The following SLC1A3 variants were observed in gnomAD, a reference collection of about 807,000 sequenced individuals.
SLC1A3 encodes the protein solute carrier family 1 member 3.
Under a neutral mutation model 48.1 loss-of-function variants are expected in SLC1A3, and 21 were observed. The observed-to-expected ratio is 0.44, with a 90% confidence interval of 0.31 to 0.63. The LOEUF is 0.63. SLC1A3 is among the 20% of genes least tolerant of loss of function. The probability of loss-of-function intolerance (pLI) is 0.08; values close to 1 mark genes in which losing one functional copy is unlikely to be tolerated. For missense variants in SLC1A3, 546 were observed against 689.0 expected, an observed-to-expected ratio of 0.79 and a Z score of 2.32; for synonymous variants, 239 against 251.4, an observed-to-expected ratio of 0.95 and a Z score of 0.47.
At chr5:36,608,628 A>AG (rs774280291) in intron 2 of SLC1A3, 24 bp downstream of exon 2, 1 of 1,611,968 alleles carries the variant, frequency 6.2e-7, no homozygotes, top group South Asian at 1.1e-5. Context: ...TTAAAAACAA[A>AG]AAAACCTGTA....
chr5:36,648,972 C>T (rs1158489860), intron 3 of SLC1A3, among the ~76,000 whole-genome samples: 1 of 152,098 alleles, frequency 6.6e-6, no homozygotes, highest in Non-Finnish European at 1.5e-5. Flanking sequence ...TAATTATAGT[C>T]CTTATGTATG....
intron 8 of SLC1A3, 57 bp downstream of exon 8, chr5:36,680,646 G>GAGCCACCACGCCCA: frequency 1.4e-6 from 2 of 1,453,270 alleles, no homozygotes; most frequent in Non-Finnish European, 1.9e-6. Context: ...GGCTGGGCGT[G>GAGCCACCACGCCCA]GTGGCTCACG....
At chr5:36,655,600 C>T (rs1015259648) in intron 3 of SLC1A3, among the ~76,000 whole-genome samples, 1 of 152,178 alleles carries the variant, frequency 6.6e-6, no homozygotes, top group Admixed American at 6.5e-5. Context: ...GGGAAAACTC[C>T]ACTTGTCATA....
chr5:36,671,752 G>A (rs1213531965), intron 4 of SLC1A3, among the ~76,000 whole-genome samples: 1 of 152,138 alleles, frequency 6.6e-6, no homozygotes, highest in African/African-American at 2.4e-5. Context: ...GAAAGAATTT[G>A]GCAGGTCTGT....
chr5:36,632,560 G>GCTACTGGAGT (rs1451423671), intron 3 of SLC1A3, among the ~76,000 whole-genome samples: 1 of 152,180 alleles, frequency 6.6e-6, no homozygotes, highest in Non-Finnish European at 1.5e-5. Context: ...GCACCAGAAG[G>GCTACTGGAGT]AACACTGGAG....
chr5:36,673,912 A>G (rs559313950), intron 4 of SLC1A3, 137 bp from the exon 5 acceptor site: 2 of 744,046 alleles, frequency 2.7e-6, no homozygotes, highest in South Asian at 1.5e-5. Context: ...TTCAAGCTGT[A>G]AAATCCACTA....
rs68027582 is a variant in SLC1A3 at position 36,645,319 on chromosome 5, CTTTTTTT to C, written c.319+15755_319+15761del. On this transcript the variant is annotated intron_variant, in intron 3 of 9. Coordinates refer to ENST00000265113, the MANE Select transcript of SLC1A3 (RefSeq NM_004172.5). The stretch of plus-strand genomic sequence containing the variant: ...ATCTTTGAGGACTGACTTCCGCTGC[CTTTTTTT>C]TTTTTTTTTTTTTTTTTTTTTTGAT... 8.3e-5 allele frequency among the ~76,000 whole-genome samples: 7 copies of C among 84,272 alleles called. 1 individual carries two copies. Among genetic ancestry groups the C allele is most frequent in the African/African-American group, 1.3e-4 (3 of 23,446 alleles). The allele number at this position is 84,272 out of a possible 152,430, so 55.3% of individuals were successfully genotyped here.
chr5:36,636,803 GC>G (rs1482830713), intron 3 of SLC1A3, among the ~76,000 whole-genome samples: 2 of 152,024 alleles, frequency 1.3e-5, no homozygotes, highest in Non-Finnish European at 2.9e-5. Context: ...AAGGGAGCTT[GC>G]AGGAAGGGAG....
chr5:36,664,942 A>C (rs898952925), intron 3 of SLC1A3, among the ~76,000 whole-genome samples: 1 of 152,130 alleles, frequency 6.6e-6, no homozygotes, highest in Non-Finnish European at 1.5e-5. Context: ...TAATAAGTGG[A>C]AGTTTTCCAG....
intron 3 of SLC1A3, among the ~76,000 whole-genome samples, chr5:36,666,976 T>C (rs1267959873): frequency 2.6e-5 from 4 of 152,226 alleles, no homozygotes; most frequent in African/African-American, 9.6e-5. Context: ...TACTCAGGTG[T>C]TTGAAGCAAA....
At chr5:36,648,125 C>T (rs568044728) in intron 3 of SLC1A3, among the ~76,000 whole-genome samples, 8 of 152,056 alleles carry the variant, frequency 5.3e-5, no homozygotes, top group African/African-American at 1.2e-4. Flanking sequence ...TATAAATATG[C>T]GAGGAATAGT....
At chr5:36,648,657 T>C (rs952487467) in intron 3 of SLC1A3, among the ~76,000 whole-genome samples, 6 of 152,274 alleles carry the variant, frequency 3.9e-5, no homozygotes, top group African/African-American at 1.4e-4. Flanking sequence ...ATAATCCAAA[T>C]CCACATTCAA....
intron 3 of SLC1A3, among the ~76,000 whole-genome samples, chr5:36,658,975 T>C (rs1741396350): frequency 7.1e-6 from 1 of 140,444 alleles, no homozygotes; most frequent in African/African-American, 2.5e-5. Flanking sequence ...CTGTGGCACT[T>C]TACAACCTAC....
chr5:36,621,853 T>C (rs551095331), intron 2 of SLC1A3, among the ~76,000 whole-genome samples: 1 of 152,190 alleles, frequency 6.6e-6, no homozygotes, highest in Admixed American at 6.5e-5. Flanking sequence ...TGGGTGGGAC[T>C]TGTGACTTCT....
intron 3 of SLC1A3, among the ~76,000 whole-genome samples, chr5:36,652,271 G>A (rs1035211319): frequency 6.6e-6 from 1 of 152,206 alleles, no homozygotes; most frequent in South Asian, 2.1e-4. Flanking sequence ...CCAGATGTGA[G>A]GAAAGATTTA....
At chr5:36,636,483 CTT>C (rs1561255183) in intron 3 of SLC1A3, 34 of 143,746 alleles carry the variant, frequency 2.4e-4, no homozygotes, top group African/African-American at 3.3e-4. Context: ...TTCTTTCTTT[CTT>C]TCTTTCTTTC....
chr5:36,640,980 CACACACACAT>C (rs2111806610), intron 3 of SLC1A3, among the ~76,000 whole-genome samples: 1 of 152,078 alleles, frequency 6.6e-6, no homozygotes, highest in African/African-American at 2.4e-5. Flanking sequence ...TGCCCCAACA[CACACACACAT>C]ACACACACAC....
At chr5:36,650,805 G>A (rs1214700520) in intron 3 of SLC1A3, among the ~76,000 whole-genome samples, 1 of 152,146 alleles carries the variant, frequency 6.6e-6, no homozygotes, top group Non-Finnish European at 1.5e-5. Flanking sequence ...GTTAGGCAGG[G>A]CCAGCCTTTG....
intron 2 of SLC1A3, among the ~76,000 whole-genome samples, chr5:36,626,261 A>T (rs1739899893): frequency 6.6e-6 from 1 of 152,176 alleles, no homozygotes; most frequent in Admixed American, 6.5e-5. Flanking sequence ...TGCACCTAGT[A>T]TTTAGAATAA....
Sources: gnomAD v4.1 joint callset for allele counts (sites outside exome capture counted in the v4.1 genomes callset) on GRCh38, gnomAD v4.1.1 for gene constraint, MANE v1.5 for transcripts, NCBI Gene and HGNC (gene_info 2026-07-23, HGNC 2026-07-21) for gene names.